GFRAL: variants seen among roughly 807,000 people sequenced by gnomAD.
GFRAL encodes the protein GDNF family receptor alpha like, also known as GDNF family receptor alpha-like.
In GFRAL, 36 loss-of-function variants were observed where a neutral mutation model predicts 45.4. The ratio of observed to expected loss-of-function variants is 0.79; its 90% CI spans 0.61 to 1.05. GFRAL has a LOEUF of 1.05. Among genes scored for constraint, GFRAL ranks in the 50% least tolerant of loss-of-function variants. The pLI is 0.00. For missense variants in GFRAL, 507 were observed against 467.5 expected (o/e 1.08, Z -0.78); for synonymous variants, 166 against 154.1 (o/e 1.08, Z -0.57).
chr6:55,365,147 TC>T (rs1483180183), intron 6 of GFRAL, among the ~76,000 whole-genome samples: 1 of 151,274 alleles, frequency 6.6e-6, no homozygotes, highest in Non-Finnish European at 1.5e-5. Context: ...CTTGAAGAGG[TC>T]CTTCACATCC....
chr6:55,333,922 A>T lies in GFRAL; in HGVS notation c.294A>T (p.Gly98=), dbSNP rs765570586. 17 of 1,541,008 alleles carry T rather than the reference A, an allele frequency of 1.1e-5. No homozygotes were observed. The highest frequency in any genetic ancestry group is 1.5e-5 in the Non-Finnish European group (17 of 1,142,124). The change falls in exon 3 of 9, where the codon GGA becomes GGT. Residue 98 remains glycine, a synonymous_variant. Coordinates refer to ENST00000340465, the MANE Select transcript of GFRAL (RefSeq NM_207410.2). ...ATTGTACTGTGAACAAACTGCTTGG[A>T]AAAAAATGTATCAATAAATCAGGTA... ...DFYCTVNKLL[G]KKCINKSDNV... is the part of the protein sequence containing the mutation.
chr6:55,364,927 T>A (rs1022670854), intron 6 of GFRAL, among the ~76,000 whole-genome samples: 1 of 152,048 alleles, frequency 6.6e-6, no homozygotes, highest in African/African-American at 2.4e-5. Flanking sequence ...TGCGGGCTCT[T>A]TTTTGGTTCC....
At chr6:55,369,968 C>A (rs1433102589) in intron 6 of GFRAL, among the ~76,000 whole-genome samples, 1 of 152,206 alleles carries the variant, frequency 6.6e-6, no homozygotes, top group Non-Finnish European at 1.5e-5. Flanking sequence ...AAAGTGATGA[C>A]CTGGTGGGTC....
At chr6:55,389,933 A>G (rs1021319171) in intron 6 of GFRAL, among the ~76,000 whole-genome samples, 2 of 152,260 alleles carry the variant, frequency 1.3e-5, no homozygotes, top group African/African-American at 4.8e-5. Flanking sequence ...AGAGATAATG[A>G]TGCTGCATCC....
At chr6:55,350,990 C>A (rs1336562830) in intron 4 of GFRAL, among the ~76,000 whole-genome samples, 1 of 151,950 alleles carries the variant, frequency 6.6e-6, no homozygotes, top group African/African-American at 2.4e-5. Flanking sequence ...GAGATTTTTC[C>A]TTCAGCTCAA....
chr6:55,342,190 C>T (rs1386581321), intron 3 of GFRAL, among the ~76,000 whole-genome samples: 1 of 152,114 alleles, frequency 6.6e-6, no homozygotes, highest in Non-Finnish European at 1.5e-5. Context: ...AAAGATATTC[C>T]TTGAGAAGAG....
At chr6:55,366,127 T>G (rs1008085175) in intron 6 of GFRAL, among the ~76,000 whole-genome samples, 1 of 151,996 alleles carries the variant, frequency 6.6e-6, no homozygotes, top group African/African-American at 2.4e-5. Context: ...CTCCTGTTAT[T>G]GGTCTATTCA....
At chr6:55,386,749 C>A (rs1263042134) in intron 6 of GFRAL, among the ~76,000 whole-genome samples, 1 of 152,116 alleles carries the variant, frequency 6.6e-6, no homozygotes, top group Non-Finnish European at 1.5e-5. Flanking sequence ...AAAGATGCAG[C>A]CCATTCCAGT....
intron 6 of GFRAL, among the ~76,000 whole-genome samples, chr6:55,363,926 G>T (rs1038017663): frequency 1.3e-5 from 2 of 150,156 alleles, no homozygotes; most frequent in African/African-American, 5.0e-5. Flanking sequence ...ATAGCAGCAT[G>T]ATTTATAGTC....
At chr6:55,335,365 A>AT (rs901323834) in intron 3 of GFRAL, among the ~76,000 whole-genome samples, 36 of 152,086 alleles carry the variant, frequency 2.4e-4, no homozygotes, top group East Asian at 5.8e-4. Context: ...AGTTGAATAG[A>AT]TTTTTTTTAA....
chr6:55,383,199 C>G (rs1768634854), intron 6 of GFRAL, among the ~76,000 whole-genome samples: 1 of 151,954 alleles, frequency 6.6e-6, no homozygotes, highest in South Asian at 2.1e-4. Context: ...TTTCTACAAG[C>G]AACTAGGTGA....
At chr6:55,328,168 G>A (rs911449937) in intron 1 of GFRAL, among the ~76,000 whole-genome samples, 9 of 151,742 alleles carry the variant, frequency 5.9e-5, no homozygotes, top group Non-Finnish European at 8.8e-5. Flanking sequence ...TATTGGATCC[G>A]ATGAATGTAT....
chr6:55,402,122 T>G lies in GFRAL; in HGVS notation c.*269T>G. 1 of 285,572 alleles carries G rather than the reference T, an allele frequency of 3.5e-6. No homozygotes were observed. Among genetic ancestry groups the G allele is most frequent in the Non-Finnish European group, 6.4e-6 (1 of 155,294 alleles). 17.7% of individuals were successfully genotyped at this position (285,572 alleles called of 1,614,324 possible). ...CTTCCCGAGTAGCTGGGATTACAGGTACCCGCCACCACGCCCAGCTAATTT... is the reference window on the plus strand; with the variant it reads ...CTTCCCGAGTAGCTGGGATTACAGGGACCCGCCACCACGCCCAGCTAATTT... On this transcript the variant is annotated 3_prime_UTR_variant, in exon 9 of 9. Coordinates refer to ENST00000340465, the MANE Select transcript of GFRAL (RefSeq NM_207410.2).
intron 5 of GFRAL, among the ~76,000 whole-genome samples, chr6:55,352,634 A>C (rs1321136433): frequency 6.6e-6 from 1 of 151,940 alleles, no homozygotes; most frequent in Non-Finnish European, 1.5e-5. Flanking sequence ...TATTTAGCAA[A>C]ATATTTTGTC....
At chr6:55,351,611 T>A in intron 5 of GFRAL, 28 bp downstream of exon 5, 1 of 1,533,318 alleles carries the variant, frequency 6.5e-7, no homozygotes, top group Non-Finnish European at 8.9e-7. Flanking sequence ...TACCTTACTT[T>A]CTTATTTCGG....
At chr6:55,332,268 T>A (rs2127349641) in intron 2 of GFRAL, among the ~76,000 whole-genome samples, 1 of 152,330 alleles carries the variant, frequency 6.6e-6, no homozygotes, top group South Asian at 2.1e-4. Flanking sequence ...ATGTATATTC[T>A]TGAAACATAT....
chr6:55,373,512 A>G lies in GFRAL; in HGVS notation c.952+14374A>G, dbSNP rs375183511. ...TTGCTTTTTATCAGTTACATGTGCC[A>G]GTATTCACAATAAAAAATTTTTCTT... On this transcript the variant is annotated intron_variant, in intron 6 of 8. Transcript: ENST00000340465. Among the ~76,000 whole-genome samples, 7 of 152,266 alleles carry G rather than the reference A, an allele frequency of 4.6e-5. No homozygotes were observed. The East Asian group carries it at 1.4e-3, about 30-fold the overall frequency.
At chr6:55,380,252 G>T (rs1341143203) in intron 6 of GFRAL, among the ~76,000 whole-genome samples, 1 of 151,730 alleles carries the variant, frequency 6.6e-6, no homozygotes, top group Admixed American at 6.6e-5. Flanking sequence ...GTGTGCTAGG[G>T]GTTTCTATAT....
chr6:55,371,614 G>C (rs977826971), intron 6 of GFRAL, among the ~76,000 whole-genome samples: 1 of 152,222 alleles, frequency 6.6e-6, no homozygotes, highest in East Asian at 1.9e-4. Flanking sequence ...GAATAAAGAA[G>C]TTATCTTCTA....
Sources: gnomAD v4.1 joint callset for allele counts (sites outside exome capture counted in the v4.1 genomes callset) on GRCh38, gnomAD v4.1.1 for gene constraint, MANE v1.5 for transcripts, NCBI Gene and HGNC (gene_info 2026-07-23, HGNC 2026-07-21) for gene names.